The following SGCZ variants were observed in gnomAD, a reference collection of about 807,000 sequenced individuals.
SGCZ encodes zeta-sarcoglycan.
SGCZ carries 40 observed loss-of-function variants against 41.3 expected under a neutral mutation model. That is an observed-to-expected ratio of 0.97 (90% CI 0.75 to 1.26). The LOEUF is 1.26. Ranked by LOEUF, SGCZ falls within the 50% of genes most tolerant of loss-of-function variation. The pLI is 0.00. For missense variants in SGCZ, 552 were observed against 369.8 expected, an observed-to-expected ratio of 1.49 and a Z score of -4.04; for synonymous variants, 206 against 137.5, an observed-to-expected ratio of 1.50 and a Z score of -3.49.
intron 1 of SGCZ, among the ~76,000 whole-genome samples, chr8:14,810,732 A>G (rs1326731854): frequency 6.6e-6 from 1 of 152,014 alleles, no homozygotes; most frequent in African/African-American, 2.4e-5. Context: ...GAAATCAGCT[A>G]TACTGATAGT....
At chr8:14,528,201 C>T (rs796333530) in intron 2 of SGCZ, among the ~76,000 whole-genome samples, 2 of 152,044 alleles carry the variant, frequency 1.3e-5, no homozygotes, top group South Asian at 2.1e-4. Context: ...TACTACATAC[C>T]GAAGAATCCA....
intron 1 of SGCZ, among the ~76,000 whole-genome samples, chr8:14,739,150 A>G (rs540720317): frequency 1.0e-3 from 157 of 152,182 alleles, no homozygotes; most frequent in Non-Finnish European, 1.7e-3. Context: ...ATAGTTCTTT[A>G]GGAAAATTCA....
At chr8:14,647,994 T>C (rs766352241) in intron 1 of SGCZ, among the ~76,000 whole-genome samples, 53 of 151,988 alleles carry the variant, frequency 3.5e-4, no homozygotes, top group Admixed American at 6.6e-4. Context: ...GAGTGGATTC[T>C]GCAAAGAGGA....
intron 1 of SGCZ, among the ~76,000 whole-genome samples, chr8:14,564,034 G>T (rs1213129638): frequency 6.6e-6 from 1 of 152,118 alleles, no homozygotes. Context: ...AATATAAATT[G>T]AGCCTCTAAT....
intron 1 of SGCZ, among the ~76,000 whole-genome samples, chr8:14,654,374 C>T (rs1044524941): frequency 6.6e-6 from 1 of 152,000 alleles, no homozygotes; most frequent in African/African-American, 2.4e-5. Flanking sequence ...TTTTACCTAT[C>T]TGTAGAGTGG....
At chr8:14,170,300 T>C (rs567318056) in intron 4 of SGCZ, among the ~76,000 whole-genome samples, 1 of 152,144 alleles carries the variant, frequency 6.6e-6, no homozygotes, top group Admixed American at 6.6e-5. Flanking sequence ...TGAGGTGAAT[T>C]TTCTCATAGC....
intron 1 of SGCZ, among the ~76,000 whole-genome samples, chr8:15,101,754 A>C (rs1385043609): frequency 6.6e-6 from 1 of 152,148 alleles, no homozygotes; most frequent in East Asian, 1.9e-4. Flanking sequence ...ACATGGTGGA[A>C]TCCCATCTCT....
chr8:15,102,775 G>A (rs1205132797), intron 1 of SGCZ, among the ~76,000 whole-genome samples: 1 of 152,140 alleles, frequency 6.6e-6, no homozygotes, highest in African/African-American at 2.4e-5. Context: ...TTTCATTAAA[G>A]TGAACATTAT....
At chr8:14,160,128 C>T (rs555843935) in intron 5 of SGCZ, among the ~76,000 whole-genome samples, 1 of 152,226 alleles carries the variant, frequency 6.6e-6, no homozygotes, top group South Asian at 2.1e-4. Flanking sequence ...AGCAGATATG[C>T]TTTCTTTTGA....
At chr8:14,816,100 T>C (rs1042632153) in intron 1 of SGCZ, among the ~76,000 whole-genome samples, 5 of 152,230 alleles carry the variant, frequency 3.3e-5, no homozygotes, top group Admixed American at 6.5e-5. Flanking sequence ...CAACATGCAA[T>C]TGGTATTTTT....
intron 1 of SGCZ, among the ~76,000 whole-genome samples, chr8:14,816,601 C>T (rs553211657): frequency 6.6e-6 from 1 of 152,226 alleles, no homozygotes; most frequent in South Asian, 2.1e-4. Flanking sequence ...TTATTAATTT[C>T]TCAGTTATAC....
At position 14,282,847 on chromosome 8, in the gene SGCZ, C is replaced by CTTTTTTTTTT. The variant is rs1168778028; in HGVS notation, c.336+41246_336+41255dup. On this transcript the variant is annotated intron_variant, in intron 3 of 7. Transcript: ENST00000382080. ...CATTATAATCATTCTCTTTCAAATA[C>CTTTTTTTTTT]TTTTTTTTTTTTTTTTTTTTGAGAC... Among the ~76,000 whole-genome samples, 54 of 89,910 alleles carry CTTTTTTTTTT rather than the reference C, an allele frequency of 6.0e-4. 4 individuals carry two copies. Among genetic ancestry groups the CTTTTTTTTTT allele is most frequent in the African/African-American group, 7.7e-4 (17 of 21,972 alleles). The allele number at this position is 89,910 out of a possible 152,430, so 59.0% of individuals were successfully genotyped here.
intron 1 of SGCZ, among the ~76,000 whole-genome samples, chr8:14,838,454 A>G (rs962252187): frequency 2.0e-5 from 3 of 152,014 alleles, no homozygotes; most frequent in African/African-American, 4.8e-5. Flanking sequence ...TGGCTCATGT[A>G]CCCCAGAAGA....
At chr8:14,688,527 G>A (rs1478977199) in intron 1 of SGCZ, among the ~76,000 whole-genome samples, 1 of 151,804 alleles carries the variant, frequency 6.6e-6, no homozygotes, top group African/African-American at 2.4e-5. Context: ...TTATTTCTGA[G>A]GGCTCTGTTC....
At chr8:15,063,926 T>G (rs978211911) in intron 1 of SGCZ, among the ~76,000 whole-genome samples, 6 of 152,208 alleles carry the variant, frequency 3.9e-5, no homozygotes, top group African/African-American at 1.4e-4. Context: ...TCAAGGTTTG[T>G]ATTTCTCTAC....
At chr8:14,292,872 T>A (rs1183699514) in intron 3 of SGCZ, among the ~76,000 whole-genome samples, 2 of 152,000 alleles carry the variant, frequency 1.3e-5, no homozygotes, top group Non-Finnish European at 2.9e-5. Flanking sequence ...ATATATAATT[T>A]TAGTATATTA....
chr8:14,254,054 A>G (rs1799379229), intron 3 of SGCZ, among the ~76,000 whole-genome samples: 1 of 152,226 alleles, frequency 6.6e-6, no homozygotes, highest in South Asian at 2.1e-4. Context: ...TAAATATGTT[A>G]CAACCTTAAA....
At chr8:14,759,506 A>G (rs1323759529) in intron 1 of SGCZ, among the ~76,000 whole-genome samples, 1 of 152,206 alleles carries the variant, frequency 6.6e-6, no homozygotes, top group African/African-American at 2.4e-5. Flanking sequence ...ATATCAAAAG[A>G]TCATTAAAAG....
intron 1 of SGCZ, among the ~76,000 whole-genome samples, chr8:14,876,833 G>A (rs1347574756): frequency 6.6e-6 from 1 of 152,168 alleles, no homozygotes; most frequent in Non-Finnish European, 1.5e-5. Flanking sequence ...CATTCACTAA[G>A]TTCTGCTGTT....
Sources: gnomAD v4.1 joint callset for allele counts (sites outside exome capture counted in the v4.1 genomes callset) on GRCh38, gnomAD v4.1.1 for gene constraint, MANE v1.5 for transcripts, NCBI Gene and HGNC (gene_info 2026-07-23, HGNC 2026-07-21) for gene names.